Variants in FMN2 observed in about 807,000 individuals in gnomAD.
FMN2 encodes formin 2, also known as formin-2.
FMN2 carries 51 observed loss-of-function variants against 142.3 expected under a neutral mutation model. That is an observed-to-expected ratio of 0.36 (90% CI 0.29 to 0.45). FMN2 has a LOEUF of 0.45. FMN2 is among the 20% of genes least tolerant of loss of function. The pLI is 1.00. For synonymous variants in FMN2, 882 were observed against 869.8 expected (o/e 1.01, Z -0.25); for missense variants, 1,936 against 2,122.8 (o/e 0.91, Z 1.73).
chr1:240,109,891 G>T (rs111308842), intron 1 of FMN2, among the ~76,000 whole-genome samples: 34 of 152,128 alleles, frequency 2.2e-4, no homozygotes, highest in African/African-American at 8.0e-4. Flanking sequence ...TAAGGGCAGG[G>T]AGCATGTTTT....
intron 4 of FMN2, among the ~76,000 whole-genome samples, chr1:240,189,636 A>G (rs750963869): frequency 5.9e-5 from 9 of 152,230 alleles, no homozygotes; most frequent in Admixed American, 2.0e-4. Flanking sequence ...TAGGTTAGCT[A>G]TCCTTAAGGA....
At chr1:240,146,393 CAAAAAAA>C (rs71170704) in intron 2 of FMN2, among the ~76,000 whole-genome samples, 1 of 99,426 alleles carries the variant, frequency 1.0e-5, no homozygotes, top group African/African-American at 4.1e-5. Flanking sequence ...GACTCTGTCT[CAAAAAAA>C]AAAAAAAAAA....
intron 14 of FMN2, among the ~76,000 whole-genome samples, chr1:240,375,255 CG>C (rs1168748968): frequency 6.6e-6 from 1 of 152,050 alleles, no homozygotes; most frequent in Non-Finnish European, 1.5e-5. Flanking sequence ...GTTTGAAATA[CG>C]GCGAGAATTA....
chr1:240,329,496 CT>C (rs1351491116), intron 10 of FMN2, 28 bp downstream of exon 10: 2 of 1,606,242 alleles, frequency 1.2e-6, no homozygotes, highest in Non-Finnish European at 1.7e-6. Context: ...GAGAGCTGAA[CT>C]TGAGTCTCAT....
intron 15 of FMN2, among the ~76,000 whole-genome samples, chr1:240,412,531 G>T (rs185748522): frequency 6.6e-6 from 1 of 152,094 alleles, no homozygotes; most frequent in African/African-American, 2.4e-5. Flanking sequence ...AATCTGCCTT[G>T]TAGGGTAGAC....
chr1:240,360,744 G>T (rs888266251), intron 14 of FMN2, among the ~76,000 whole-genome samples: 5 of 152,038 alleles, frequency 3.3e-5, no homozygotes, highest in African/African-American at 1.2e-4. Context: ...ATGATAGACT[G>T]GATTAAGAAA....
intron 15 of FMN2, among the ~76,000 whole-genome samples, chr1:240,436,985 C>G (rs1675395319): frequency 6.6e-6 from 1 of 152,204 alleles, no homozygotes; most frequent in Non-Finnish European, 1.5e-5. Flanking sequence ...TGACCTTTCT[C>G]TAACCAGTTC....
intron 8 of FMN2, among the ~76,000 whole-genome samples, chr1:240,313,182 G>A (rs1455024627): frequency 6.6e-6 from 1 of 152,184 alleles, no homozygotes; most frequent in African/African-American, 2.4e-5. Flanking sequence ...TCCTGGATGG[G>A]TGTTGTTAGA....
chr1:240,310,836 C>A (rs1042818687), intron 8 of FMN2, among the ~76,000 whole-genome samples: 4 of 151,996 alleles, frequency 2.6e-5, no homozygotes, highest in Non-Finnish European at 5.9e-5. Context: ...AACTTCAATT[C>A]AAAAATGTGT....
Position 240,475,088 on chromosome 1 carries a change from A to C in FMN2, c.*934A>C, listed in dbSNP as rs1572351592. On this transcript the variant is annotated 3_prime_UTR_variant, in exon 18 of 18. Transcript: ENST00000319653. The stretch of plus-strand genomic sequence containing the variant: ...AATAGGGCATTTAACAAAGATCGCT[A>C]TGTGCAATACTGTATTTAGTGTTTC... 1 of 152,544 alleles carries C rather than the reference A, an allele frequency of 6.6e-6. No individual in the cohort carries two copies. The highest frequency in any genetic ancestry group is 2.4e-5 in the African/African-American group (1 of 41,410). 9.4% of individuals were successfully genotyped at this position (152,544 alleles called of 1,614,324 possible). A position where few individuals can be genotyped will look rare whatever the true frequency, so the allele number is the denominator to read the frequency against.
Position 240,119,170 on chromosome 1 carries a change from A to T in FMN2, c.1616-4009A>T, listed in dbSNP as rs997760471. Reference sequence around the variant, plus strand: ...TGGTGAAATCTCCTCTCTACTAAAGATACAAAAAATTAGCCGGGTGTGGTG... The same window carrying T: ...TGGTGAAATCTCCTCTCTACTAAAGTTACAAAAAATTAGCCGGGTGTGGTG... On this transcript the variant is annotated intron_variant, in intron 1 of 17. Transcript: ENST00000319653. Among the ~76,000 whole-genome samples, 3 of 152,104 alleles carry T rather than the reference A, an allele frequency of 2.0e-5. No individual in the cohort carries two copies. The East Asian group carries it at 5.8e-4, about 30-fold the overall frequency.
intron 7 of FMN2, among the ~76,000 whole-genome samples, chr1:240,291,956 A>G (rs1391353025): frequency 6.6e-6 from 1 of 151,750 alleles, no homozygotes; most frequent in Non-Finnish European, 1.5e-5. Context: ...AAAAACCCCA[A>G]ACCAAAACTT....
chr1:240,386,731 T>C (rs1474224520), intron 14 of FMN2, among the ~76,000 whole-genome samples: 1 of 152,162 alleles, frequency 6.6e-6, no homozygotes, highest in African/African-American at 2.4e-5. Context: ...TATCACCAAA[T>C]GCAAAAATGC....
intron 13 of FMN2, among the ~76,000 whole-genome samples, chr1:240,337,344 G>A (rs1433700546): frequency 6.6e-6 from 1 of 151,534 alleles, no homozygotes; most frequent in African/African-American, 2.4e-5. Context: ...AGCCTCCTGA[G>A]TAGCTGGGAT....
At chr1:240,215,397 G>A (rs932604393) in intron 6 of FMN2, among the ~76,000 whole-genome samples, 4 of 152,128 alleles carry the variant, frequency 2.6e-5, no homozygotes, top group African/African-American at 4.8e-5. Flanking sequence ...CAGGTACAGA[G>A]ATATAGCGGA....
intron 15 of FMN2, among the ~76,000 whole-genome samples, chr1:240,436,456 T>G (rs73130208): frequency 0.11 from 16,212 of 152,164 alleles, 2,057 homozygotes; most frequent in African/African-American, 0.31. Flanking sequence ...AATGTTTGTT[T>G]TTACGTGTGA....
In FMN2 at chr1:240,474,473, A is replaced by G. The variant is rs74149141; in HGVS notation, c.*319A>G. The G allele has an allele frequency of 0.016, 3,941 of 249,464 alleles. 145 individuals carry two copies. Among genetic ancestry groups the G allele is most frequent in the African/African-American group, 0.082 (3,678 of 44,602 alleles). 15.5% of individuals were successfully genotyped at this position (249,464 alleles called of 1,614,324 possible). A position where few individuals can be genotyped will look rare whatever the true frequency, so the allele number is the denominator to read the frequency against. On this transcript the variant is annotated 3_prime_UTR_variant, in exon 18 of 18. Transcript: ENST00000319653. ...CTCAACATGCTAAACATTAACTACA[A>G]TTCACTGTTGTGAGAATATTCCTCG...
rs888255740 is a variant in FMN2, at chr1:240,141,902, G to A, written c.1782+18557G>A. On this transcript the variant is annotated intron_variant, in intron 2 of 17. Coordinates refer to ENST00000319653, the MANE Select transcript of FMN2 (RefSeq NM_020066.5). Reference sequence around the variant, plus strand: ...GTTGGGTGGTTGAGTTGGGACATTCGGCCTGGGGGAACCAGATGCTCAAAG... The same window carrying A: ...GTTGGGTGGTTGAGTTGGGACATTCAGCCTGGGGGAACCAGATGCTCAAAG... 2.6e-5 allele frequency among the ~76,000 whole-genome samples: 4 copies of A among 152,060 alleles called. No individual in the cohort carries two copies. The South Asian group carries it at 8.3e-4, about 32-fold the overall frequency.
chr1:240,240,742 T>C (rs753476559), intron 6 of FMN2, among the ~76,000 whole-genome samples: 1 of 152,234 alleles, frequency 6.6e-6, no homozygotes, highest in Non-Finnish European at 1.5e-5. Context: ...AGGATACATA[T>C]CTAAAACCAG....
Sources: gnomAD v4.1 joint callset for allele counts (sites outside exome capture counted in the v4.1 genomes callset) on GRCh38, gnomAD v4.1.1 for gene constraint, MANE v1.5 for transcripts, NCBI Gene and HGNC (gene_info 2026-07-23, HGNC 2026-07-21) for gene names.